AGBL4: variants seen among roughly 807,000 people sequenced by gnomAD.
AGBL4 encodes cytosolic carboxypeptidase 6.
AGBL4 carries 58 observed loss-of-function variants against 66.4 expected under a neutral mutation model. The ratio of observed to expected loss-of-function variants is 0.87; its 90% confidence interval spans 0.71 to 1.09. AGBL4 has a LOEUF of 1.09. Among genes scored for constraint, AGBL4 ranks in the 50% least tolerant of loss-of-function variants. The pLI, the probability that AGBL4 is intolerant of heterozygous loss-of-function variation, is 0.00. For missense variants in AGBL4, 579 were observed against 631.0 expected (o/e 0.92, Z 0.88); for synonymous variants, 234 against 222.9 (o/e 1.05, Z -0.44).
At position 48,890,810 on chromosome 1, in the gene AGBL4, A is replaced by G. The variant is rs115781318; in HGVS notation, c.595-23580T>C. Among the ~76,000 whole-genome samples the G allele has an allele frequency of 2.6e-3, 399 of 152,340 alleles. 3 individuals are homozygous for G. The highest frequency in any genetic ancestry group is 9.3e-3 in the African/African-American group (386 of 41,590). On this transcript the variant is annotated intron_variant, in intron 5 of 13. Transcript: ENST00000371839. ...TGGATACTTGCAGTCTGGCAGATTC[A>G]TCAAAGATCGTTATGCCCATAGTAA...
chr1:48,678,743 C>A (rs1474967746), intron 6 of AGBL4, among the ~76,000 whole-genome samples: 3 of 152,232 alleles, frequency 2.0e-5, no homozygotes, highest in African/African-American at 7.2e-5. Flanking sequence ...CATCTTCTAG[C>A]AAGGCCATTC....
intron 3 of AGBL4, among the ~76,000 whole-genome samples, chr1:49,601,642 C>G (rs1426597875): frequency 6.6e-6 from 1 of 152,124 alleles, no homozygotes; most frequent in Non-Finnish European, 1.5e-5. Flanking sequence ...GGAAAACTGA[C>G]TAGCCATATG....
At chr1:49,783,179 C>A (rs1269704887) in intron 2 of AGBL4, among the ~76,000 whole-genome samples, 1 of 152,002 alleles carries the variant, frequency 6.6e-6, no homozygotes, top group East Asian at 1.9e-4. Flanking sequence ...TTATAGCAGC[C>A]TGAACTGGTT....
intron 3 of AGBL4, among the ~76,000 whole-genome samples, chr1:49,646,224 A>AATT (rs1471221666): frequency 6.6e-6 from 1 of 151,934 alleles, no homozygotes; most frequent in East Asian, 1.9e-4. Context: ...AAAGAAAAGA[A>AATT]TAAAATAAAT....
At chr1:48,709,276 T>C (rs1646926570) in intron 6 of AGBL4, among the ~76,000 whole-genome samples, 1 of 152,212 alleles carries the variant, frequency 6.6e-6, no homozygotes, top group African/African-American at 2.4e-5. Context: ...CAAAGACAGA[T>C]AAAAATACTA....
chr1:49,999,919 A>G (rs1660626349), intron 1 of AGBL4, among the ~76,000 whole-genome samples: 1 of 152,156 alleles, frequency 6.6e-6, no homozygotes, highest in African/African-American at 2.4e-5. Context: ...ACAAAAACCA[A>G]CTAAGATGGA....
rs1235734178 is a variant in AGBL4 at position 48,763,494 on chromosome 1, G to GA, written c.635-100254dup. Reference sequence around the variant, plus strand: ...TTTGTGTGTGTGTATGTGTGTGTGTGAAAAAAACAGACAAAAAGAGAGAAA... The same window carrying GA: ...TTTGTGTGTGTGTATGTGTGTGTGTGAAAAAAAACAGACAAAAAGAGAGAAA... On this transcript the variant is annotated intron_variant, in intron 6 of 13. Coordinates refer to ENST00000371839, the MANE Select transcript of AGBL4 (RefSeq NM_032785.4). Among the ~76,000 whole-genome samples the GA allele has an allele frequency of 3.3e-5, 5 of 152,140 alleles. No homozygotes were observed. In the South Asian group the frequency reaches 8.3e-4, roughly 25 times the overall value.
intron 6 of AGBL4, among the ~76,000 whole-genome samples, chr1:48,822,113 T>C (rs1308595643): frequency 6.6e-6 from 1 of 152,192 alleles, no homozygotes. Flanking sequence ...GGAGGAGTTA[T>C]AAAATGATAC....
At chr1:48,856,902 GGTC>G (rs1647173556) in intron 6 of AGBL4, among the ~76,000 whole-genome samples, 1 of 152,034 alleles carries the variant, frequency 6.6e-6, no homozygotes, top group Non-Finnish European at 1.5e-5. Flanking sequence ...TAGAAAAGTG[GGTC>G]AGCTTGAATT....
intron 4 of AGBL4, among the ~76,000 whole-genome samples, chr1:49,241,525 T>G (rs1651235074): frequency 6.6e-6 from 1 of 152,060 alleles, no homozygotes; most frequent in Admixed American, 6.6e-5. Flanking sequence ...TATTACAAAG[T>G]TCTCATTATA....
intron 4 of AGBL4, among the ~76,000 whole-genome samples, chr1:49,215,082 T>C (rs986324555): frequency 6.6e-6 from 1 of 152,148 alleles, no homozygotes; most frequent in African/African-American, 2.4e-5. Flanking sequence ...TACTTATATG[T>C]AGATTCATGA....
intron 4 of AGBL4, among the ~76,000 whole-genome samples, chr1:49,198,630 C>A (rs555858605): frequency 2.0e-5 from 3 of 152,198 alleles, no homozygotes. Flanking sequence ...GTGAAGCACA[C>A]CCGGCCAACG....
chr1:49,715,461 A>C (rs1260765455), intron 2 of AGBL4, among the ~76,000 whole-genome samples: 1 of 152,182 alleles, frequency 6.6e-6, no homozygotes, highest in African/African-American at 2.4e-5. Context: ...AATGATTTAT[A>C]ATCCTTTGGG....
At chr1:49,248,665 T>G (rs753398780) in intron 3 of AGBL4, among the ~76,000 whole-genome samples, 62 of 152,100 alleles carry the variant, frequency 4.1e-4, no homozygotes, top group Non-Finnish European at 7.2e-4. Context: ...CATCCAAAAT[T>G]GAGATGGTGA....
intron 3 of AGBL4, among the ~76,000 whole-genome samples, chr1:49,536,425 TTTAA>T (rs554137992): frequency 8.4e-4 from 128 of 152,316 alleles, no homozygotes; most frequent in African/African-American, 3.0e-3. Flanking sequence ...AATTTTTGCA[TTTAA>T]TTTTTATTTT....
At chr1:48,981,790 G>A (rs1659793246) in intron 5 of AGBL4, among the ~76,000 whole-genome samples, 2 of 152,176 alleles carry the variant, frequency 1.3e-5, no homozygotes, top group Non-Finnish European at 2.9e-5. Context: ...CAGCTACTCT[G>A]GAGGCTGACA....
At chr1:48,588,656 A>AGTGTGTGTGTGT (rs57683318) in intron 10 of AGBL4, among the ~76,000 whole-genome samples, 7,684 of 147,546 alleles carry the variant, frequency 0.052, 244 homozygotes, top group South Asian at 0.091. Context: ...GAAACAGAGA[A>AGTGTGTGTGTGT]GTGTGTGTGT....
intron 3 of AGBL4, among the ~76,000 whole-genome samples, chr1:49,556,838 C>A (rs1222243268): frequency 1.3e-5 from 2 of 152,108 alleles, no homozygotes; most frequent in Non-Finnish European, 1.5e-5. Flanking sequence ...AGGTCCTGAG[C>A]CCTGCCCTGC....
rs779914102 is a variant in AGBL4 at position 48,634,554 on chromosome 1, G to A, written c.890C>T (p.Pro297Leu). Reference protein sequence around the residue: ...DLNRHWLDPSPWVHPTLHGVK... With the variant: ...DLNRHWLDPSLWVHPTLHGVK... The stretch of plus-strand genomic sequence containing the variant: ...TCCATGCAGGGTAGGATGGACCCAT[G>A]GAGAGGGATCCAGCCAGTGACGATT... Residue 297 changes from proline (P) to leucine (L), a missense_variant, in exon 9 of 14, where the codon CCA (proline) becomes CTA (leucine). Physicochemically the swap from Pro to Leu is moderately conservative, Grantham distance 98 (BLOSUM62 -3). Transcript: ENST00000371839. The A allele has an allele frequency of 6.2e-6, 10 of 1,607,062 alleles. No homozygotes were observed. Among genetic ancestry groups the A allele is most frequent in the South Asian group, 1.1e-5 (1 of 89,224 alleles).
Sources: gnomAD v4.1 joint callset for allele counts (sites outside exome capture counted in the v4.1 genomes callset) on GRCh38, gnomAD v4.1.1 for gene constraint, MANE v1.5 for transcripts, NCBI Gene and HGNC (gene_info 2026-07-23, HGNC 2026-07-21) for gene names.